KIAA1671: variants seen among roughly 807,000 people sequenced by gnomAD.
KIAA1671 encodes the protein KIAA1671, also known as uncharacterized protein KIAA1671.
Under a neutral mutation model 131.2 loss-of-function variants are expected in KIAA1671, and 52 were observed. The observed-to-expected ratio is 0.40, with a 90% CI of 0.32 to 0.50. KIAA1671 has a LOEUF of 0.50. Among genes scored for constraint, KIAA1671 ranks in the 20% least tolerant of loss-of-function variants. The pLI is 0.73. For synonymous variants in KIAA1671, 1,003 were observed against 961.6 expected (o/e 1.04, Z -0.80); for missense variants, 2,360 against 2,364.2 (o/e 1.00, Z 0.04).
At chr22:25,078,150 G>T (rs1427460517) in intron 6 of KIAA1671, among the ~76,000 whole-genome samples, 1 of 152,210 alleles carries the variant, frequency 6.6e-6, no homozygotes, top group African/African-American at 2.4e-5. Flanking sequence ...TGCAGTCTCT[G>T]TCAGGCAGGG....
intron 6 of KIAA1671, among the ~76,000 whole-genome samples, chr22:25,143,092 G>T (rs761811038): frequency 1.3e-5 from 2 of 152,164 alleles, no homozygotes; most frequent in Admixed American, 6.5e-5. Flanking sequence ...CTTTTCCCAC[G>T]TCTATTTACT....
chr22:25,061,023 G>A (rs1278583081), intron 6 of KIAA1671: 1 of 152,168 alleles, frequency 6.6e-6, no homozygotes, highest in East Asian at 1.9e-4. Flanking sequence ...GAGCTGCCCA[G>A]CTGAGCTTAG....
At position 25,026,993 on chromosome 22, in the gene KIAA1671, T is replaced by C. The variant is rs755084499; in HGVS notation, c.-55-952T>C. Among the ~76,000 whole-genome samples the C allele has an allele frequency of 5.9e-5, 9 of 152,224 alleles. No individual in the cohort carries two copies. The South Asian group carries it at 1.0e-3, about 18-fold the overall frequency. On this transcript the variant is annotated intron_variant, in intron 2 of 12. Transcript: ENST00000358431. ...GCTACTACAAAATGGGGTCTCCTAA[T>C]TGTACCCACTAAATAGGGTTGTGAG...
chr22:25,026,618 T>C (rs1925956016), intron 2 of KIAA1671, among the ~76,000 whole-genome samples: 2 of 152,034 alleles, frequency 1.3e-5, no homozygotes, highest in Admixed American at 1.3e-4. Flanking sequence ...TAATCCCAGC[T>C]ACTCCGGAAG....
intron 6 of KIAA1671, among the ~76,000 whole-genome samples, chr22:25,147,302 C>T (rs148457604): frequency 0.036 from 5,417 of 152,080 alleles, 129 homozygotes; most frequent in South Asian, 0.059. Flanking sequence ...AAGTGATTCT[C>T]CTGCCTCAGC....
chr22:24,964,974 C>T (rs956604977), intron 1 of KIAA1671, among the ~76,000 whole-genome samples: 3 of 151,982 alleles, frequency 2.0e-5, no homozygotes, highest in East Asian at 1.9e-4. Context: ...TGGCTTTGCA[C>T]GAGTGATTTC....
At chr22:25,166,247 A>G (rs540497961) in intron 6 of KIAA1671, among the ~76,000 whole-genome samples, 2 of 152,152 alleles carry the variant, frequency 1.3e-5, no homozygotes, top group Non-Finnish European at 2.9e-5. Context: ...CGCTGGCCTC[A>G]GGACCCTCAG....
intron 6 of KIAA1671, among the ~76,000 whole-genome samples, chr22:25,166,486 G>A (rs890101575): frequency 3.3e-5 from 5 of 152,118 alleles, no homozygotes; most frequent in African/African-American, 1.2e-4. Flanking sequence ...CAATGGACTT[G>A]ACCTTTTGGT....
rs139685168 is a variant in KIAA1671 at position 24,953,618 on chromosome 22, G to T, written c.-208+846G>T. 3.4e-3 allele frequency among the ~76,000 whole-genome samples: 520 copies of T among 152,124 alleles called. 18 individuals are homozygous for T. The East Asian group carries it at 0.078, about 23-fold the overall frequency. Reference sequence around the variant, plus strand: ...CGGCGCGGCCCACCCGGGCTCACGGGTGGGGCCCTCGGGATGGGAAGCGGC... The same window carrying T: ...CGGCGCGGCCCACCCGGGCTCACGGTTGGGGCCCTCGGGATGGGAAGCGGC... On this transcript the variant is annotated intron_variant, in intron 1 of 12. Coordinates refer to ENST00000358431, the MANE Select transcript of KIAA1671 (RefSeq NM_001145206.2).
At chr22:25,180,112 A>G (rs1446716296) in intron 9 of KIAA1671, among the ~76,000 whole-genome samples, 4 of 131,906 alleles carry the variant, frequency 3.0e-5, no homozygotes, top group African/African-American at 1.1e-4. Flanking sequence ...GAGCATCCCT[A>G]AACAGTTACG....
intron 6 of KIAA1671, chr22:25,060,940 T>G (rs1012805246): frequency 2.0e-5 from 3 of 152,180 alleles, no homozygotes; most frequent in Non-Finnish European, 4.4e-5. Context: ...GCCCACTAAT[T>G]TCGGTAGATG....
intron 6 of KIAA1671, among the ~76,000 whole-genome samples, chr22:25,164,286 C>T (rs985078494): frequency 1.3e-5 from 2 of 152,238 alleles, no homozygotes; most frequent in Admixed American, 6.5e-5. Flanking sequence ...CCCAGCTCCG[C>T]TTCCCACTCA....
chr22:25,105,822 G>GGC (rs1930973558), intron 6 of KIAA1671, among the ~76,000 whole-genome samples: 1 of 75,016 alleles, frequency 1.3e-5, no homozygotes. Context: ...ATGAAGTTGG[G>GGC]GGGGGGGGGT....
intron 6 of KIAA1671, among the ~76,000 whole-genome samples, chr22:25,085,890 AT>A (rs1239867855): frequency 6.6e-6 from 1 of 152,114 alleles, no homozygotes; most frequent in Admixed American, 6.5e-5. Context: ...CACTCAATAA[AT>A]ACTCACTGCA....
intron 6 of KIAA1671, among the ~76,000 whole-genome samples, chr22:25,067,288 T>C (rs1295903467): frequency 1.1e-5 from 1 of 88,650 alleles, no homozygotes; most frequent in Non-Finnish European, 2.6e-5. Flanking sequence ...AACGTCTCTT[T>C]TTATTCTTAG....
At chr22:25,154,177 G>T (rs1933145541) in intron 6 of KIAA1671, among the ~76,000 whole-genome samples, 1 of 152,184 alleles carries the variant, frequency 6.6e-6, no homozygotes, top group Non-Finnish European at 1.5e-5. Flanking sequence ...CTTTGATCCA[G>T]GCACTGTGTC....
At chr22:25,154,563 TG>T (rs1215866790) in intron 6 of KIAA1671, among the ~76,000 whole-genome samples, 1 of 152,186 alleles carries the variant, frequency 6.6e-6, no homozygotes, top group Non-Finnish European at 1.5e-5. Flanking sequence ...ACTCTAGGCC[TG>T]GGCAGAGTCT....
intron 6 of KIAA1671, among the ~76,000 whole-genome samples, chr22:25,065,650 T>TTA (rs1568936865): frequency 3.4e-5 from 5 of 147,456 alleles, no homozygotes; most frequent in South Asian, 2.2e-4. Flanking sequence ...TATTATTATT[T>TTA]TTTTTTTTTT....
intron 6 of KIAA1671, among the ~76,000 whole-genome samples, chr22:25,071,755 G>C (rs1297520786): frequency 6.6e-6 from 1 of 152,084 alleles, no homozygotes; most frequent in Non-Finnish European, 1.5e-5. Flanking sequence ...CATAGGTGTT[G>C]AACTCATTGA....
Sources: gnomAD v4.1 joint callset for allele counts (sites outside exome capture counted in the v4.1 genomes callset) on GRCh38, gnomAD v4.1.1 for gene constraint, MANE v1.5 for transcripts, NCBI Gene and HGNC (gene_info 2026-07-23, HGNC 2026-07-21) for gene names.